The following TMEM192 variants were observed in gnomAD, a reference collection of about 807,000 sequenced individuals.
TMEM192 encodes the protein transmembrane protein 192.
In TMEM192, 20 loss-of-function variants were observed where a neutral mutation model predicts 26.7. That is an observed-to-expected ratio of 0.75 (90% CI 0.53 to 1.09). The LOEUF (loss-of-function observed/expected upper bound fraction) is 1.09, where lower values mean the gene tolerates loss of function less well. TMEM192 is among the 50% of genes least tolerant of loss of function. The pLI, the probability that TMEM192 is intolerant of heterozygous loss-of-function variation, is 0.00. For synonymous variants in TMEM192, 124 were observed against 121.0 expected, an observed-to-expected ratio of 1.02 and a Z score of -0.16; for missense variants, 304 against 322.6, an observed-to-expected ratio of 0.94 and a Z score of 0.44.
intron 1 of TMEM192, among the ~76,000 whole-genome samples, chr4:165,108,979 C>G (rs1735233783): frequency 6.6e-6 from 1 of 152,216 alleles, no homozygotes; most frequent in African/African-American, 2.4e-5. Context: ...ATTTGTTTCC[C>G]ATCTCTGAGA....
chr4:165,092,116 T>C (rs1734780101), intron 3 of TMEM192, among the ~76,000 whole-genome samples: 1 of 62,484 alleles, frequency 1.6e-5, no homozygotes, highest in African/African-American at 4.4e-5. Context: ...GCTGTTCTTT[T>C]TTTTTTTTTT....
At position 165,072,640 on chromosome 4, in the gene TMEM192, T is replaced by C. The variant is rs925787409; in HGVS notation, c.*7018A>G. 2.0e-5 allele frequency: 3 copies of C among 151,846 alleles called. No homozygotes were observed. Among genetic ancestry groups the C allele is most frequent in the African/African-American group, 7.3e-5 (3 of 41,302 alleles). The allele number at this position is 151,846 out of a possible 1,614,324, so 9.4% of individuals were successfully genotyped here. ...ATTATAGTGGCTGGGGAAGTAGCAT[T>C]GGGGGTGCCAAGAATTGGTTGGACT... On this transcript the variant is annotated 3_prime_UTR_variant, in exon 6 of 6. Transcript: ENST00000306480.
Position 165,071,306 on chromosome 4 carries a change from G to C in TMEM192, c.*8352C>G, listed in dbSNP as rs530404911. The stretch of plus-strand genomic sequence containing the variant: ...AGTGGGAGGATTTTTTTTTTTTGGG[G>C]GGGGGACGGATTCTCACTCTTGTCA... On this transcript the variant is annotated 3_prime_UTR_variant, in exon 6 of 6. Coordinates refer to ENST00000306480, the MANE Select transcript of TMEM192 (RefSeq NM_001100389.2). 1 of 148,614 alleles carries C rather than the reference G, an allele frequency of 6.7e-6. No individual in the cohort carries two copies. Among genetic ancestry groups the C allele is most frequent in the Non-Finnish European group, 1.5e-5 (1 of 67,408 alleles). The allele number at this position is 148,614 out of a possible 1,614,324, so 9.2% of individuals were successfully genotyped here.
In TMEM192 at chr4:165,112,417, G is replaced by A. The variant is rs142490962; in HGVS notation, c.27+330C>T. Among the ~76,000 whole-genome samples the A allele has an allele frequency of 1.7e-3, 252 of 152,330 alleles. 1 individual carries two copies. Among genetic ancestry groups the A allele is most frequent in the Non-Finnish European group, 2.9e-3 (198 of 68,028 alleles). On this transcript the variant is annotated intron_variant, in intron 1 of 5. Coordinates refer to ENST00000306480, the MANE Select transcript of TMEM192 (RefSeq NM_001100389.2). ...CTGTCAGGCCAGGCGCGCATCACGT[G>A]AAGCTGCCAGTTCCGGGATCAAAGA...
rs1183081995 is a variant in TMEM192 at position 165,072,569 on chromosome 4, A to G, written c.*7089T>C. ...GAGACTCCCTCCCCCAAAAAAAAAA[A>G]ACAAAACCAAAAAACCGAAAGACTA... On this transcript the variant is annotated 3_prime_UTR_variant, in exon 6 of 6. Transcript: ENST00000306480. 2.0e-5 allele frequency: 3 copies of G among 151,902 alleles called. No homozygotes were observed. Among genetic ancestry groups the G allele is most frequent in the South Asian group, 2.1e-4 (1 of 4,784 alleles). 9.4% of individuals were successfully genotyped at this position (151,902 alleles called of 1,614,324 possible). A position where few individuals can be genotyped will look rare whatever the true frequency, so the allele number is the denominator to read the frequency against.
intron 2 of TMEM192, 74 bp downstream of exon 2, chr4:165,102,876 C>A (rs1218210010): frequency 1.5e-6 from 2 of 1,344,016 alleles, no homozygotes; most frequent in Admixed American, 2.4e-5. Flanking sequence ...TACAGCACAA[C>A]TGCCCTCTGA....
intron 2 of TMEM192, among the ~76,000 whole-genome samples, chr4:165,102,023 C>T (rs902125245): frequency 1.3e-5 from 2 of 152,292 alleles, no homozygotes; most frequent in South Asian, 4.1e-4. Context: ...CAACTATAAC[C>T]CCTAGTGCTT....
At chr4:165,089,570 G>A (rs188956708) in intron 3 of TMEM192, among the ~76,000 whole-genome samples, 69 of 152,212 alleles carry the variant, frequency 4.5e-4, no homozygotes, top group African/African-American at 1.4e-3. Flanking sequence ...TGATCGGCCC[G>A]CCTCGGCCTC....
At position 165,074,969 on chromosome 4, in the gene TMEM192, C is replaced by A. The variant is rs1471792321; in HGVS notation, c.*4689G>T. On this transcript the variant is annotated 3_prime_UTR_variant, in exon 6 of 6. Transcript: ENST00000306480. ...CATGTCATAAAAGATTTATAAAAGA[C>A]CATATAATTTGGAAAAAATGTTTAA... 2.0e-5 allele frequency: 3 copies of A among 152,132 alleles called. No individual in the cohort carries two copies. The highest frequency in any genetic ancestry group is 4.4e-5 in the Non-Finnish European group (3 of 68,026). The allele number at this position is 152,132 out of a possible 1,614,324, so 9.4% of individuals were successfully genotyped here. A position where few individuals can be genotyped will look rare whatever the true frequency, so the allele number is the denominator to read the frequency against.
chr4:165,110,275 T>G lies in TMEM192; in HGVS notation c.27+2472A>C, dbSNP rs556755960. On this transcript the variant is annotated intron_variant, in intron 1 of 5. Transcript: ENST00000306480. ...GTATCTCTTCTCTCTTCTGTGACAA[T>G]AACTCTATTTCCTTTGAGGACCCAC... Among the ~76,000 whole-genome samples the G allele has an allele frequency of 9.5e-4, 144 of 152,328 alleles. 1 individual carries two copies. The highest frequency in any genetic ancestry group is 3.5e-3 in the African/African-American group (144 of 41,574).
chr4:165,092,366 C>T (rs1056977177), intron 3 of TMEM192, among the ~76,000 whole-genome samples: 5 of 152,038 alleles, frequency 3.3e-5, no homozygotes, highest in South Asian at 2.1e-4. Flanking sequence ...AAGTGATCCG[C>T]GAGCCTCGGC....
rs953342084 is a variant in TMEM192 at position 165,073,617 on chromosome 4, C to A, written c.*6041G>T. On this transcript the variant is annotated 3_prime_UTR_variant, in exon 6 of 6. Coordinates refer to ENST00000306480, the MANE Select transcript of TMEM192 (RefSeq NM_001100389.2). Reference sequence around the variant, plus strand: ...CTTTGCAGTTGAGATAAGAGGAAGGCTTCTGTCTCCTGCTCGTCCCTGGGA... The same window carrying A: ...CTTTGCAGTTGAGATAAGAGGAAGGATTCTGTCTCCTGCTCGTCCCTGGGA... 1 of 151,790 alleles carries A rather than the reference C, an allele frequency of 6.6e-6. No homozygotes were observed. The highest frequency in any genetic ancestry group is 2.4e-5 in the African/African-American group (1 of 41,294). 9.4% of individuals were successfully genotyped at this position (151,790 alleles called of 1,614,324 possible).
chr4:165,096,508 T>A (rs1560931879), intron 3 of TMEM192, among the ~76,000 whole-genome samples: 3 of 151,950 alleles, frequency 2.0e-5, no homozygotes, highest in Admixed American at 2.0e-4. Context: ...TTCTCCCATC[T>A]CCACCCAAAG....
At chr4:165,107,018 T>C (rs1735176662) in intron 1 of TMEM192, among the ~76,000 whole-genome samples, 1 of 152,014 alleles carries the variant, frequency 6.6e-6, no homozygotes, top group Non-Finnish European at 1.5e-5. Context: ...AGGATTTTTT[T>C]TCTCTCTTTT....
intron 4 of TMEM192, among the ~76,000 whole-genome samples, chr4:165,088,113 G>T (rs1056865843): frequency 7.2e-5 from 11 of 152,222 alleles, no homozygotes; most frequent in Middle Eastern, 3.4e-3. Context: ...GTTTCATCAT[G>T]TTGTCCAGGC....
intron 3 of TMEM192, 26 bp downstream of exon 3, chr4:165,100,602 A>AGTC: frequency 9.4e-6 from 15 of 1,602,276 alleles, no homozygotes; most frequent in Non-Finnish European, 1.3e-5. Flanking sequence ...CAAGCACCCA[A>AGTC]GTAGCTGAGA....
chr4:165,080,906 G>A (rs952266503), intron 5 of TMEM192, among the ~76,000 whole-genome samples: 1 of 151,948 alleles, frequency 6.6e-6, no homozygotes, highest in African/African-American at 2.4e-5. Flanking sequence ...GTAGAGACAG[G>A]GTTTTACCAT....
At chr4:165,095,091 C>T (rs1734864335) in intron 3 of TMEM192, among the ~76,000 whole-genome samples, 1 of 152,054 alleles carries the variant, frequency 6.6e-6, no homozygotes, top group Non-Finnish European at 1.5e-5. Context: ...AGCTACCATG[C>T]CTGGGCTCCA....
chr4:165,111,123 G>A (rs1735284083), intron 1 of TMEM192, among the ~76,000 whole-genome samples: 1 of 152,062 alleles, frequency 6.6e-6, no homozygotes, highest in Non-Finnish European at 1.5e-5. Context: ...ACAGAGTCTC[G>A]CTCTGTCGCT....
Sources: gnomAD v4.1 joint callset for allele counts (sites outside exome capture counted in the v4.1 genomes callset) on GRCh38, gnomAD v4.1.1 for gene constraint, MANE v1.5 for transcripts, NCBI Gene and HGNC (gene_info 2026-07-23, HGNC 2026-07-21) for gene names.